The following MREG variants were observed in gnomAD, a reference collection of about 807,000 sequenced individuals.
MREG encodes the protein dilute suppressor protein homolog.
A neutral mutation model predicts 28.5 loss-of-function variants in MREG; 31 were observed. The ratio of observed to expected loss-of-function variants is 1.09; its 90% CI spans 0.82 to 1.47. MREG has a LOEUF of 1.47. MREG is among the 40% of genes most tolerant of loss of function. The probability of loss-of-function intolerance (pLI) is 0.00; values close to 1 mark genes in which losing one functional copy is unlikely to be tolerated. For synonymous variants in MREG, 106 were observed against 95.2 expected, an observed-to-expected ratio of 1.11 and a Z score of -0.66; for missense variants, 256 against 257.4, an observed-to-expected ratio of 0.99 and a Z score of 0.04.
chr2:215,955,867 A>C (rs1692612246), intron 2 of MREG, among the ~76,000 whole-genome samples: 1 of 152,182 alleles, frequency 6.6e-6, no homozygotes, highest in Non-Finnish European at 1.5e-5. Flanking sequence ...TGAAATAGAT[A>C]ATACAGACTA....
chr2:215,998,491 T>A (rs1183130086), intron 1 of MREG, among the ~76,000 whole-genome samples: 2 of 152,074 alleles, frequency 1.3e-5, no homozygotes, highest in Non-Finnish European at 2.9e-5. Context: ...GAAATCCTTG[T>A]GGCTGCAGGT....
At chr2:215,949,915 T>C (rs1221648244) in intron 2 of MREG, among the ~76,000 whole-genome samples, 1 of 152,254 alleles carries the variant, frequency 6.6e-6, no homozygotes, top group Non-Finnish European at 1.5e-5. Context: ...GTTTATCTTA[T>C]CTCACTATAC....
At chr2:216,028,232 T>C (rs1010937976) in intron 1 of MREG, among the ~76,000 whole-genome samples, 1 of 152,144 alleles carries the variant, frequency 6.6e-6, no homozygotes, top group Non-Finnish European at 1.5e-5. Context: ...AATACCCAGA[T>C]AGGCCGGGCA....
intron 2 of MREG, among the ~76,000 whole-genome samples, chr2:215,959,268 A>C (rs562691033): frequency 6.6e-6 from 1 of 152,220 alleles, no homozygotes; most frequent in South Asian, 2.1e-4. Flanking sequence ...TCCAGGTCTC[A>C]GTTTCCACCT....
chr2:216,009,757 A>G (rs1287822009), intron 1 of MREG, among the ~76,000 whole-genome samples: 1 of 152,124 alleles, frequency 6.6e-6, no homozygotes, highest in Admixed American at 6.5e-5. Flanking sequence ...CCTGGTCTCG[A>G]ACTCCTGACC....
At chr2:215,987,481 G>C (rs770558744) in intron 2 of MREG, among the ~76,000 whole-genome samples, 1 of 150,344 alleles carries the variant, frequency 6.7e-6, no homozygotes, top group African/African-American at 2.5e-5. Flanking sequence ...TCTGGATCTC[G>C]TGAGCCACCC....
At chr2:216,005,719 T>C (rs1235971795) in intron 1 of MREG, among the ~76,000 whole-genome samples, 1 of 151,890 alleles carries the variant, frequency 6.6e-6, no homozygotes, top group African/African-American at 2.4e-5. Context: ...TCCCAAAGTG[T>C]TGGGATTACA....
chr2:215,951,259 T>C (rs1217752972), intron 2 of MREG, among the ~76,000 whole-genome samples: 1 of 152,196 alleles, frequency 6.6e-6, no homozygotes, highest in Admixed American at 6.5e-5. Flanking sequence ...GTAAAAAATG[T>C]TATCCAATTA....
At chr2:216,001,497 G>T (rs897597823) in intron 1 of MREG, among the ~76,000 whole-genome samples, 13 of 152,188 alleles carry the variant, frequency 8.5e-5, no homozygotes, top group African/African-American at 2.9e-4. Context: ...CCTGCTCGTG[G>T]CTACGAAGCA....
At chr2:215,975,117 C>A (rs7590283) in intron 2 of MREG, among the ~76,000 whole-genome samples, 73,185 of 149,884 alleles carry the variant, frequency 0.49, 19,236 homozygotes, top group East Asian at 0.81. Context: ...CCTACTTCTA[C>A]TGCAGGTAAC....
intron 2 of MREG, among the ~76,000 whole-genome samples, chr2:215,964,811 T>C (rs1402967093): frequency 1.3e-5 from 2 of 152,062 alleles, no homozygotes; most frequent in South Asian, 2.1e-4. Flanking sequence ...AACCCAAGAA[T>C]TCCAGTTCTA....
At chr2:216,030,952 T>A (rs879918813) in intron 1 of MREG, among the ~76,000 whole-genome samples, 21,865 of 106,084 alleles carry the variant, frequency 0.21, 1,740 homozygotes, top group Non-Finnish European at 0.24. Context: ...TCTCTCTCTC[T>A]CTCTCACACA....
intron 2 of MREG, among the ~76,000 whole-genome samples, chr2:215,949,312 C>G (rs1293746705): frequency 6.6e-6 from 1 of 150,846 alleles, no homozygotes; most frequent in East Asian, 1.9e-4. Flanking sequence ...ATAATCCCAG[C>G]ACTTTGGGAG....
At chr2:216,002,581 C>T (rs1002296380) in intron 1 of MREG, among the ~76,000 whole-genome samples, 9 of 152,198 alleles carry the variant, frequency 5.9e-5, no homozygotes, top group African/African-American at 1.7e-4. Flanking sequence ...TCCAGAAAAA[C>T]AGGCTGCCAG....
At chr2:215,984,852 A>T (rs1038101682) in intron 2 of MREG, among the ~76,000 whole-genome samples, 1 of 152,202 alleles carries the variant, frequency 6.6e-6, no homozygotes, top group African/African-American at 2.4e-5. Context: ...TGATATGAAA[A>T]TCCCTTTCGT....
At position 215,994,648 on chromosome 2, in the gene MREG, A is replaced by G. The variant is rs1693815395; in HGVS notation, c.255+1658T>C. ...AAGAAGGAGGGGGAGGAGGAGGAGG[A>G]AGCTTCTGGAGGACCCATCACACCA... On this transcript the variant is annotated intron_variant, in intron 2 of 4. Coordinates refer to ENST00000263268, the MANE Select transcript of MREG (RefSeq NM_018000.3). 3.3e-5 allele frequency among the ~76,000 whole-genome samples: 5 copies of G among 149,572 alleles called. No homozygotes were observed. The South Asian group carries it at 1.0e-3, about 31-fold the overall frequency.
chr2:216,008,057 G>A (rs1034921483), intron 1 of MREG, among the ~76,000 whole-genome samples: 26 of 152,010 alleles, frequency 1.7e-4, no homozygotes, highest in Non-Finnish European at 2.9e-4. Flanking sequence ...GTGTTCAAGC[G>A]ACTTTACAGA....
At chr2:215,966,399 T>C (rs1692940278) in intron 2 of MREG, among the ~76,000 whole-genome samples, 1 of 152,160 alleles carries the variant, frequency 6.6e-6, no homozygotes, top group Non-Finnish European at 1.5e-5. Flanking sequence ...CCTATATTCT[T>C]TTTTTAAGAC....
upstream of MREG, among the ~76,000 whole-genome samples, chr2:216,017,656 T>A (rs1210643386): frequency 6.6e-6 from 1 of 152,144 alleles, no homozygotes; most frequent in African/African-American, 2.4e-5. Flanking sequence ...CATCAGTGAC[T>A]CACAGACCCA....
Sources: allele counts gnomAD v4.1 joint callset (sites outside exome capture counted in the v4.1 genomes callset), GRCh38; gene constraint gnomAD v4.1.1; transcripts MANE v1.5; gene names NCBI Gene and HGNC (gene_info 2026-07-23, HGNC 2026-07-21).